Variants in CDKAL1 observed in about 807,000 individuals in gnomAD.
CDKAL1 encodes threonylcarbamoyladenosine tRNA methylthiotransferase.
A neutral mutation model predicts 68.2 loss-of-function variants in CDKAL1; 32 were observed. The ratio of observed to expected loss-of-function variants is 0.47; its 90% CI spans 0.35 to 0.63. CDKAL1 has a LOEUF of 0.63. Among genes scored for constraint, CDKAL1 ranks in the 30% least tolerant of loss-of-function variants. The pLI is 0.00. For missense variants in CDKAL1, 606 were observed against 696.7 expected (o/e 0.87, Z 1.47); for synonymous variants, 234 against 244.3 (o/e 0.96, Z 0.39).
chr6:21,134,712 A>G (rs1775495984), intron 13 of CDKAL1, among the ~76,000 whole-genome samples: 1 of 152,138 alleles, frequency 6.6e-6, no homozygotes, highest in African/African-American at 2.4e-5. Context: ...GTGAGGTTTA[A>G]TTAGTCACAT....
At chr6:21,217,462 G>GTTTTATT (rs1000531177) in intron 15 of CDKAL1, among the ~76,000 whole-genome samples, 8 of 149,760 alleles carry the variant, frequency 5.3e-5, no homozygotes, top group Non-Finnish European at 1.2e-4. Flanking sequence ...ACCCAGCTAA[G>GTTTTATT]TTTTATTTTT....
chr6:21,205,830 C>CTTTTTTTTTTTTTTTTTT (rs34849597), intron 15 of CDKAL1, among the ~76,000 whole-genome samples: 16 of 66,610 alleles, frequency 2.4e-4, no homozygotes, highest in African/African-American at 9.6e-4. Context: ...CGCGCCCAGC[C>CTTTTTTTTTTTTTTTTTT]TTTTTTTTTT....
At chr6:21,198,453 A>G (rs1778557151) in intron 14 of CDKAL1, among the ~76,000 whole-genome samples, 1 of 152,180 alleles carries the variant, frequency 6.6e-6, no homozygotes, top group South Asian at 2.1e-4. Context: ...GGATGTCTGC[A>G]TGGGCGACAG....
At chr6:20,760,929 T>G (rs570100719) in intron 7 of CDKAL1, among the ~76,000 whole-genome samples, 32 of 152,128 alleles carry the variant, frequency 2.1e-4, no homozygotes, top group Non-Finnish European at 3.8e-4. Flanking sequence ...AGTTGAAAAT[T>G]TTTTGCTCTA....
intron 4 of CDKAL1, 118 bp downstream of exon 4, chr6:20,548,823 ATAGTTATTACACATTTTG>A (rs1287586541): frequency 2.5e-5 from 14 of 554,422 alleles, no homozygotes; most frequent in African/African-American, 3.9e-5. Context: ...GGTGAAACAG[ATAGTTATTACACATTTTG>A]TAGATAACCA....
At chr6:20,729,820 G>C (rs945036224) in intron 5 of CDKAL1, among the ~76,000 whole-genome samples, 1 of 152,072 alleles carries the variant, frequency 6.6e-6, no homozygotes, top group Non-Finnish European at 1.5e-5. Context: ...TCCTTTTTGT[G>C]CCTATGCCGT....
chr6:20,751,459 G>C (rs1277059625), intron 6 of CDKAL1, among the ~76,000 whole-genome samples: 3 of 152,172 alleles, frequency 2.0e-5, no homozygotes, highest in Non-Finnish European at 4.4e-5. Context: ...ACCACATGTG[G>C]CTAGTGACTA....
At chr6:21,148,832 CA>C (rs1374023023) in intron 13 of CDKAL1, among the ~76,000 whole-genome samples, 1 of 151,872 alleles carries the variant, frequency 6.6e-6, no homozygotes, top group African/African-American at 2.4e-5. Context: ...ACTAATTCAC[CA>C]AAAATAAGTA....
intron 9 of CDKAL1, among the ~76,000 whole-genome samples, chr6:20,905,294 G>T (rs895317609): frequency 6.6e-6 from 1 of 152,120 alleles, no homozygotes; most frequent in African/African-American, 2.4e-5. Context: ...GAAAAATACC[G>T]TAACTGAAAT....
At chr6:20,809,401 A>G (rs1776699883) in intron 8 of CDKAL1, among the ~76,000 whole-genome samples, 1 of 152,204 alleles carries the variant, frequency 6.6e-6, no homozygotes, top group African/African-American at 2.4e-5. Flanking sequence ...TAGAAGTACA[A>G]CAAGCTGATT....
At position 21,232,001 on chromosome 6, in the gene CDKAL1, T is replaced by C; in HGVS notation, c.*962T>C. 1 of 137,562 alleles carries C rather than the reference T, an allele frequency of 7.3e-6. No homozygotes were observed. Among genetic ancestry groups the C allele is most frequent in the Non-Finnish European group, 1.6e-5 (1 of 62,988 alleles). The allele number at this position is 137,562 out of a possible 1,614,324, so 8.5% of individuals were successfully genotyped here. A position where few individuals can be genotyped will look rare whatever the true frequency, so the allele number is the denominator to read the frequency against. On this transcript the variant is annotated 3_prime_UTR_variant, in exon 16 of 16. Coordinates refer to ENST00000274695, the MANE Select transcript of CDKAL1 (RefSeq NM_017774.3). ...TTTTTGATCCATTGGGGTTTTTTTT[T>C]TGTTTTTGTTTTTTTTTTTTTTTGA...
intron 8 of CDKAL1, among the ~76,000 whole-genome samples, chr6:20,841,914 T>G (rs1276641714): frequency 1.3e-5 from 2 of 152,232 alleles, no homozygotes; most frequent in African/African-American, 2.4e-5. Context: ...TATCCTTGCA[T>G]CAGGACAGTC....
chr6:21,068,373 ATTTAT>A (rs1161278599), intron 12 of CDKAL1, among the ~76,000 whole-genome samples: 1 of 152,134 alleles, frequency 6.6e-6, no homozygotes, highest in Non-Finnish European at 1.5e-5. Flanking sequence ...TCCAATTGGA[ATTTAT>A]TTTAATTTAA....
intron 9 of CDKAL1, among the ~76,000 whole-genome samples, chr6:20,859,311 A>G (rs1759493966): frequency 6.6e-6 from 1 of 152,154 alleles, no homozygotes; most frequent in Admixed American, 6.5e-5. Context: ...AAAAAGAAAA[A>G]AAATGGTGTT....
At chr6:20,867,195 G>A (rs1165413935) in intron 9 of CDKAL1, among the ~76,000 whole-genome samples, 1 of 152,148 alleles carries the variant, frequency 6.6e-6, no homozygotes, top group Non-Finnish European at 1.5e-5. Context: ...GTATCTCAGT[G>A]TAATATAGAG....
At chr6:20,764,068 T>C (rs1374643890) in intron 7 of CDKAL1, among the ~76,000 whole-genome samples, 1 of 152,026 alleles carries the variant, frequency 6.6e-6, no homozygotes, top group Admixed American at 6.6e-5. Context: ...CATATGGTCA[T>C]TAAAAACTTT....
rs370081692 is a variant in CDKAL1, at chr6:20,952,254, G to A, written c.743-3165G>A. ...ATTACAAGCATGAGCCACTGCGCCC[G>A]CCCCCTCTTTTTCATTTTCATGTGT... On this transcript the variant is annotated intron_variant, in intron 9 of 15. Coordinates refer to ENST00000274695, the MANE Select transcript of CDKAL1 (RefSeq NM_017774.3). Among the ~76,000 whole-genome samples, 261 of 152,098 alleles carry A rather than the reference G, an allele frequency of 1.7e-3. 7 individuals are homozygous for A. In the South Asian group the frequency reaches 0.051, roughly 29 times the overall value.
Position 20,548,595 on chromosome 6 carries a change from C to A in CDKAL1, c.176C>A (p.Thr59Asn). 4 of 1,338,392 alleles carry A rather than the reference C, an allele frequency of 3.0e-6. No homozygotes were observed. Among genetic ancestry groups the A allele is most frequent in the African/African-American group, 1.5e-5 (1 of 67,900 alleles). The allele number at this position is 1,338,392 out of a possible 1,614,324, so 82.9% of individuals were successfully genotyped here. A position where few individuals can be genotyped will look rare whatever the true frequency, so the allele number is the denominator to read the frequency against. ...EEENSPPSDSTIPGIQKIWIR... is the reference protein window; with the variant it reads ...EEENSPPSDSNIPGIQKIWIR... ...TTTTTTTATTGATTCCTTAACAGCA[C>A]TATTCCAGGCATACAGAAAATTTGG... The change falls in exon 4 of 16, where the codon ACT becomes AAT. Residue 59 changes from threonine (T) to asparagine (N), a missense_variant and splice_region_variant. Thr to Asn is a moderately conservative substitution (Grantham distance 65, BLOSUM62 0). Coordinates refer to ENST00000274695, the MANE Select transcript of CDKAL1 (RefSeq NM_017774.3).
chr6:20,795,563 C>A (rs894075611), intron 8 of CDKAL1, among the ~76,000 whole-genome samples: 2 of 152,116 alleles, frequency 1.3e-5, no homozygotes, highest in Non-Finnish European at 1.5e-5. Context: ...TTCCAAATAA[C>A]CATCTTAAAG....
Sources: allele counts gnomAD v4.1 joint callset (sites outside exome capture counted in the v4.1 genomes callset), GRCh38; gene constraint gnomAD v4.1.1; transcripts MANE v1.5; gene names NCBI Gene and HGNC (gene_info 2026-07-23, HGNC 2026-07-21).